ARHGEF9: variants seen among roughly 807,000 people sequenced by gnomAD.
ARHGEF9 encodes Cdc42 guanine nucleotide exchange factor 9, also known as rho guanine nucleotide exchange factor 9.
In ARHGEF9, 2 loss-of-function variants were observed where a neutral mutation model predicts 41.3. The ratio of observed to expected loss-of-function variants is 0.05; its 90% CI spans 0.02 to 0.15. The LOEUF is 0.15. ARHGEF9 is among the 10% of genes least tolerant of loss of function. ARHGEF9 has a pLI of 1.00. For missense variants in ARHGEF9, 225 were observed against 424.7 expected, an observed-to-expected ratio of 0.53 and a Z score of 4.13; for synonymous variants, 160 against 154.4, an observed-to-expected ratio of 1.04 and a Z score of -0.27.
chrX:63,670,275 T>C (rs2049865243), intron 6 of ARHGEF9: 4 of 111,832 alleles, frequency 3.6e-5, no homozygotes, highest in Non-Finnish European at 7.5e-5. Context: ...GCCCTACATT[T>C]GATCTTCTTG....
chrX:63,685,813 C>T (rs2050949170), intron 4 of ARHGEF9, among the ~76,000 whole-genome samples: 1 of 110,969 alleles, frequency 9.0e-6, no homozygotes, highest in Non-Finnish European at 1.9e-5. Flanking sequence ...GGATCATAGG[C>T]CTAAATGTAA....
chrX:63,777,421 G>A lies in ARHGEF9; in HGVS notation c.30+7695C>T, dbSNP rs782189123. 3.6e-5 allele frequency among the ~76,000 whole-genome samples: 4 copies of A among 110,788 alleles called. No homozygotes were observed. In the South Asian group the frequency reaches 1.6e-3, roughly 44 times the overall value. ...AAGATGAGATTTGGGTGGGGACACA[G>A]CCAAACCATAGCATTCCACCACCGG... On this transcript the variant is annotated intron_variant, in intron 1 of 9. Coordinates refer to ENST00000671741, the MANE Select transcript of ARHGEF9 (RefSeq NM_001353921.2).
chrX:63,696,949 G>A (rs782644562), intron 4 of ARHGEF9, among the ~76,000 whole-genome samples, 176 bp downstream of exon 4: 1 of 111,656 alleles, frequency 9.0e-6, no homozygotes, highest in Admixed American at 9.5e-5. Flanking sequence ...GCAAATCACA[G>A]CACTTTTCTA....
chrX:63,770,184 T>C (rs1220809205), intron 1 of ARHGEF9, among the ~76,000 whole-genome samples: 3 of 112,672 alleles, frequency 2.7e-5, no homozygotes, highest in African/African-American at 9.7e-5. Context: ...GTAACCTGAA[T>C]GTAAAATATA....
intron 4 of ARHGEF9, among the ~76,000 whole-genome samples, chrX:63,684,842 G>A (rs1364192916): frequency 9.1e-6 from 1 of 109,290 alleles, no homozygotes; most frequent in Non-Finnish European, 1.9e-5. Flanking sequence ...GAACCTAGAG[G>A]ACATTATGCT....
intron 5 of ARHGEF9, 79 bp downstream of exon 5, chrX:63,678,260 CA>C: frequency 1.1e-6 from 1 of 878,135 alleles, no homozygotes; most frequent in South Asian, 2.1e-5. Flanking sequence ...TCAGAAAGGG[CA>C]AAAGGACATG....
intron 1 of ARHGEF9, among the ~76,000 whole-genome samples, chrX:63,743,906 T>C (rs1485792827): frequency 2.7e-5 from 3 of 112,044 alleles, no homozygotes; most frequent in Admixed American, 1.9e-4. Context: ...AGAAAGCTTA[T>C]TTAAAAACAA....
intron 1 of ARHGEF9, chrX:63,767,003 G>A: frequency 1.4e-6 from 1 of 725,637 alleles, no homozygotes; most frequent in Non-Finnish European, 2.1e-6. Flanking sequence ...CCTTAAAGAA[G>A]TTAGAGGTAA....
At chrX:63,655,831 C>G in intron 7 of ARHGEF9, 94 bp from the exon 8 acceptor site, 1 of 1,088,849 alleles carries the variant, frequency 9.2e-7, no homozygotes, top group Non-Finnish European at 1.3e-6. Flanking sequence ...ACACTGTCAC[C>G]GTTTTGAAGT....
intron 1 of ARHGEF9, among the ~76,000 whole-genome samples, chrX:63,772,986 C>A (rs1232971290): frequency 9.0e-6 from 1 of 111,638 alleles, no homozygotes; most frequent in Admixed American, 9.5e-5. Flanking sequence ...ACACAACTGA[C>A]TCAGCTGAAA....
chrX:63,756,290 T>C (rs113899833), intron 1 of ARHGEF9, among the ~76,000 whole-genome samples: 2,686 of 112,129 alleles, frequency 0.024, 53 homozygotes, highest in African/African-American at 0.051. Context: ...CTTTTTGCTC[T>C]TATATTATAG....
At chrX:63,773,143 C>G (rs2056231760) in intron 1 of ARHGEF9, among the ~76,000 whole-genome samples, 1 of 112,120 alleles carries the variant, frequency 8.9e-6, no homozygotes, top group Non-Finnish European at 1.9e-5. Context: ...GAACTAACCA[C>G]ATTCTAACAC....
chrX:63,777,028 T>C (rs1392758496), intron 1 of ARHGEF9, among the ~76,000 whole-genome samples: 2 of 111,780 alleles, frequency 1.8e-5, no homozygotes, highest in African/African-American at 6.5e-5. Flanking sequence ...ACTGCTCTAT[T>C]TTGCACCCCC....
At chrX:63,716,709 T>C (rs2053326769) in intron 2 of ARHGEF9, among the ~76,000 whole-genome samples, 1 of 111,917 alleles carries the variant, frequency 8.9e-6, no homozygotes. Flanking sequence ...TCACTTGTCA[T>C]GACAACAAAC....
intron 1 of ARHGEF9, among the ~76,000 whole-genome samples, chrX:63,732,943 C>T (rs2054402047): frequency 8.9e-6 from 1 of 111,995 alleles, no homozygotes; most frequent in African/African-American, 3.2e-5. Context: ...TCCGTAATCC[C>T]TTCTCTGATG....
chrX:63,646,458 T>G (rs1389630830), intron 8 of ARHGEF9, among the ~76,000 whole-genome samples: 4 of 112,071 alleles, frequency 3.6e-5, no homozygotes, highest in African/African-American at 1.3e-4. Flanking sequence ...GGCTAGCCAG[T>G]TTTCCCAGCA....
chrX:63,777,923 C>T (rs782188036), intron 1 of ARHGEF9, among the ~76,000 whole-genome samples: 2 of 112,714 alleles, frequency 1.8e-5, no homozygotes, highest in Non-Finnish European at 3.8e-5. Flanking sequence ...CATTGAGTGC[C>T]CATGGCTTTT....
intron 1 of ARHGEF9, among the ~76,000 whole-genome samples, chrX:63,758,413 AT>A (rs1342390398): frequency 8.9e-6 from 1 of 112,351 alleles, no homozygotes; most frequent in Non-Finnish European, 1.9e-5. Flanking sequence ...ACAGTGGTTT[AT>A]TTTTGCAGCT....
chrX:63,780,863 A>G (rs2056369228), intron 1 of ARHGEF9, among the ~76,000 whole-genome samples: 2 of 111,987 alleles, frequency 1.8e-5, no homozygotes, highest in African/African-American at 6.5e-5. Context: ...GTTCAAAATC[A>G]TTCAAGATAC....
Sources: allele counts gnomAD v4.1 joint callset (sites outside exome capture counted in the v4.1 genomes callset), GRCh38; gene constraint gnomAD v4.1.1; transcripts MANE v1.5; gene names NCBI Gene and HGNC (gene_info 2026-07-23, HGNC 2026-07-21).